Variants in TMEM61 observed in about 807,000 individuals in gnomAD.
TMEM61 encodes the protein transmembrane protein 61.
A neutral mutation model predicts 12.0 loss-of-function variants in TMEM61; 13 were observed. That is an observed-to-expected ratio of 1.08 (90% CI 0.70 to 1.72). The LOEUF is 1.72. TMEM61 is among the 40% of genes most tolerant of loss of function. The probability of loss-of-function intolerance (pLI) is 0.00; values close to 1 mark genes in which losing one functional copy is unlikely to be tolerated. For missense variants in TMEM61, 249 were observed against 276.9 expected, an observed-to-expected ratio of 0.90 and a Z score of 0.71; for synonymous variants, 109 against 121.4, an observed-to-expected ratio of 0.90 and a Z score of 0.67.
At position 54,986,403 on chromosome 1, in the gene TMEM61, C is replaced by T. The variant is rs750277889; in HGVS notation, c.322C>T (p.Leu108=). Residue 108 remains leucine, a synonymous_variant, in exon 2 of 3, where the codon CTG becomes TTG. Transcript: ENST00000371268. ...GGACCCCTATCACCTCTCCAGAGAC[C>T]TGTACTACCTCACTGTGGAGTCCTC... is the stretch of plus-strand genomic sequence containing the variant. The part of the protein sequence containing the change: ...RWDPYHLSRD[L]YYLTVESSEK... The T allele has an allele frequency of 7.5e-6, 12 of 1,604,770 alleles. No individual in the cohort carries two copies. Among genetic ancestry groups the T allele is most frequent in the Non-Finnish European group, 9.4e-6 (11 of 1,173,868 alleles).
Position 54,981,046 on chromosome 1 carries a change from C to A in TMEM61, c.-20C>A. 1.3e-6 allele frequency: 2 copies of A among 1,572,200 alleles called. No homozygotes were observed. The highest frequency in any genetic ancestry group is 2.3e-5 in the East Asian group (1 of 42,652). On this transcript the variant is annotated 5_prime_UTR_variant, in exon 1 of 3. Transcript: ENST00000371268. Reference sequence around the variant, plus strand: ...CCCGGCTCCCTGCGCGCCTGGACAGCGCCTGCTGCCCGCCTCCCGATGGCC... The same window carrying A: ...CCCGGCTCCCTGCGCGCCTGGACAGAGCCTGCTGCCCGCCTCCCGATGGCC...
At chr1:54,988,527 C>T (rs1644275158) in intron 2 of TMEM61, among the ~76,000 whole-genome samples, 1 of 152,234 alleles carries the variant, frequency 6.6e-6, no homozygotes, top group Admixed American at 6.5e-5. Context: ...CTGCTGCCTG[C>T]AGAGCCCAGC....
intron 1 of TMEM61, among the ~76,000 whole-genome samples, chr1:54,985,223 G>A (rs113996674): frequency 0.63 from 92,393 of 147,010 alleles, 31,952 homozygotes; most frequent in Non-Finnish European, 0.79. Flanking sequence ...GTGTGTATGT[G>A]TGTGTGTGTG....
At chr1:54,988,411 A>G (rs1644274394) in intron 2 of TMEM61, among the ~76,000 whole-genome samples, 1 of 152,224 alleles carries the variant, frequency 6.6e-6, no homozygotes, top group South Asian at 2.1e-4. Flanking sequence ...TAGCCCATCG[A>G]GCTCCAAGAC....
chr1:54,983,714 T>C (rs1031058583), intron 1 of TMEM61, among the ~76,000 whole-genome samples: 19 of 152,210 alleles, frequency 1.2e-4, no homozygotes, highest in African/African-American at 4.6e-4. Flanking sequence ...TACCATAACA[T>C]ACAGGCAGTG....
chr1:54,981,979 A>AG (rs5774204), intron 1 of TMEM61, among the ~76,000 whole-genome samples: 102,257 of 152,102 alleles, frequency 0.67, 36,322 homozygotes, highest in Non-Finnish European at 0.8. Flanking sequence ...GCCCATTTAC[A>AG]GGGAGGACAC....
At chr1:54,985,448 G>C (rs1019386623) in intron 1 of TMEM61, among the ~76,000 whole-genome samples, 2 of 152,222 alleles carry the variant, frequency 1.3e-5, no homozygotes, top group African/African-American at 4.8e-5. Flanking sequence ...TGTTGGCCAG[G>C]CTGGTCTCGA....
rs200476053 is a variant in TMEM61 at position 54,986,460 on chromosome 1, G to T, written c.365+14G>T. 1.1e-4 allele frequency: 165 copies of T among 1,533,152 alleles called. No homozygotes were observed. The African/African-American group carries it at 2.0e-3, about 18-fold the overall frequency. The allele number at this position is 1,533,152 out of a possible 1,614,324, so 95.0% of individuals were successfully genotyped here. A position where few individuals can be genotyped will look rare whatever the true frequency, so the allele number is the denominator to read the frequency against. ...GGAGAGCTGCAGGTCAGCAGGGCGG[G>T]GTGTGGCAGCGGGTGGGGACTGCAG... is the stretch of plus-strand genomic sequence containing the variant. On this transcript the variant is annotated intron_variant, in intron 2 of 2. Transcript: ENST00000371268.
At chr1:54,986,756 T>A (rs1644264152) in intron 2 of TMEM61, among the ~76,000 whole-genome samples, 1 of 151,916 alleles carries the variant, frequency 6.6e-6, no homozygotes, top group South Asian at 2.1e-4. Flanking sequence ...CAGCTTGGTA[T>A]GGGACAGAAT....
chr1:54,992,153 CAGAG>C lies in TMEM61; in HGVS notation c.*51_*54del. The C allele has an allele frequency of 6.3e-7, 1 of 1,582,674 alleles. No homozygotes were observed. The highest frequency in any genetic ancestry group is 8.6e-7 in the Non-Finnish European group (1 of 1,169,018). On this transcript the variant is annotated 3_prime_UTR_variant, in exon 3 of 3. Transcript: ENST00000371268. Reference sequence around the variant, plus strand: ...AGAGACAAAAATGCCGTGCCTTCTCCAGAGTCTTATGCAGTGCCTGGGACACAGT... The same window carrying C: ...AGAGACAAAAATGCCGTGCCTTCTCCTCTTATGCAGTGCCTGGGACACAGT...
chr1:54,985,457 G>A (rs751990027), intron 1 of TMEM61, among the ~76,000 whole-genome samples: 2 of 152,294 alleles, frequency 1.3e-5, no homozygotes, highest in East Asian at 1.9e-4. Context: ...GGCTGGTCTC[G>A]AACTCCTGAC....
chr1:54,981,572 C>T (rs906965870), intron 1 of TMEM61, among the ~76,000 whole-genome samples: 13 of 152,116 alleles, frequency 8.5e-5, no homozygotes, highest in Non-Finnish European at 1.5e-4. Context: ...GAGCCGAGAT[C>T]GCAGGACTGC....
intron 1 of TMEM61, among the ~76,000 whole-genome samples, chr1:54,984,504 C>T (rs1333614478): frequency 6.6e-6 from 1 of 152,204 alleles, no homozygotes; most frequent in African/African-American, 2.4e-5. Context: ...TGCACTGCCT[C>T]CTCTCTCCCA....
At chr1:54,984,505 C>G (rs762589900) in intron 1 of TMEM61, among the ~76,000 whole-genome samples, 13 of 152,194 alleles carry the variant, frequency 8.5e-5, no homozygotes, top group Non-Finnish European at 1.2e-4. Flanking sequence ...GCACTGCCTC[C>G]TCTCTCCCAG....
intron 1 of TMEM61, 39 bp from the exon 2 acceptor site, chr1:54,986,058 A>G (rs1644255529): frequency 3.3e-6 from 5 of 1,530,002 alleles, no homozygotes; most frequent in Non-Finnish European, 4.4e-6. Context: ...CACCTTTCAT[A>G]TGGCCCATTT....
In TMEM61 at chr1:54,983,041, G is replaced by C. The variant is rs566423237; in HGVS notation, c.15+1961G>C. On this transcript the variant is annotated intron_variant, in intron 1 of 2. Coordinates refer to ENST00000371268, the MANE Select transcript of TMEM61 (RefSeq NM_182532.3). The stretch of plus-strand genomic sequence containing the variant: ...TGCAGGACAAGGGGGCAATGAACAG[G>C]AAACAGCCACCTGGGGATTTTGCTA... Among the ~76,000 whole-genome samples, 3 of 151,876 alleles carry C rather than the reference G, an allele frequency of 2.0e-5. No homozygotes were observed. The South Asian group carries it at 6.2e-4, about 32-fold the overall frequency.
At chr1:54,981,332 T>C (rs971093276) in intron 1 of TMEM61, among the ~76,000 whole-genome samples, 2 of 152,166 alleles carry the variant, frequency 1.3e-5, no homozygotes, top group Non-Finnish European at 2.9e-5. Context: ...AGTGCCCTTA[T>C]TGGGGCCTGG....
At chr1:54,982,525 C>T (rs774108512) in intron 1 of TMEM61, among the ~76,000 whole-genome samples, 1 of 152,162 alleles carries the variant, frequency 6.6e-6, no homozygotes, top group Non-Finnish European at 1.5e-5. Context: ...GCCCTGCCTG[C>T]TGTGGGGGAT....
In TMEM61 at chr1:54,986,267, C is replaced by T; in HGVS notation, c.186C>T (p.Pro62=). The change falls in exon 2 of 3, where the codon CCC becomes CCT. Residue 62 remains proline (P), a synonymous_variant. Coordinates refer to ENST00000371268, the MANE Select transcript of TMEM61 (RefSeq NM_182532.3). The part of the protein sequence containing the change: ...PPTEYPVPEG[P]SPLLRSVSFV... Reference sequence around the variant, plus strand: ...CGGAGTATCCGGTGCCTGAGGGCCCCAGCCCCCTGCTCAGGTCCGTCAGCT... The same window carrying T: ...CGGAGTATCCGGTGCCTGAGGGCCCTAGCCCCCTGCTCAGGTCCGTCAGCT... The T allele has an allele frequency of 6.2e-7, 1 of 1,613,896 alleles. No individual in the cohort carries two copies. The highest frequency in any genetic ancestry group is 1.3e-5 in the African/African-American group (1 of 75,068).
Sources: allele counts gnomAD v4.1 joint callset (sites outside exome capture counted in the v4.1 genomes callset), GRCh38; gene constraint gnomAD v4.1.1; transcripts MANE v1.5; gene names NCBI Gene and HGNC (gene_info 2026-07-23, HGNC 2026-07-21).